The following TSPAN15 variants were observed in gnomAD, a reference collection of about 807,000 sequenced individuals.
TSPAN15 encodes the protein tetraspanin-15.
In TSPAN15, 20 loss-of-function variants were observed where a neutral mutation model predicts 34.5. The ratio of observed to expected loss-of-function variants is 0.58; its 90% CI spans 0.41 to 0.84. TSPAN15 has a LOEUF of 0.84. Among genes scored for constraint, TSPAN15 ranks in the 40% least tolerant of loss-of-function variants. TSPAN15 has a pLI of 0.00. For synonymous variants in TSPAN15, 155 were observed against 153.9 expected (o/e 1.01, Z -0.05); for missense variants, 313 against 386.1 (o/e 0.81, Z 1.59).
chr10:69,527,577 G>A, the TSPAN15 span, among the ~76,000 whole-genome samples: 28,913 of 140,174 alleles, frequency 0.21, 4,543 homozygotes, highest in Middle Eastern at 0.3. Flanking sequence ...CCTGGGTAAC[G>A]AGAGCGAAAT....
At chr10:69,477,097 G>C (rs1841631062) in intron 1 of TSPAN15, among the ~76,000 whole-genome samples, 1 of 152,112 alleles carries the variant, frequency 6.6e-6, no homozygotes. Flanking sequence ...AATACTTGCT[G>C]AGCCTTCCCT....
chr10:69,495,560 G>C (rs1842062184), intron 3 of TSPAN15, 34 bp from the exon 4 acceptor site: 2 of 1,530,844 alleles, frequency 1.3e-6, no homozygotes, highest in Non-Finnish European at 1.8e-6. Flanking sequence ...GGAGTGTGTG[G>C]TTCTTTTCCT....
Position 69,451,544 on chromosome 10 carries a change from C to A in TSPAN15, c.-51C>A. ...GGGGCCACGAGCGCTGGCTGAGGGA[C>A]CGAGCCGGAGAGCCCCGGAGCCCCC... is the stretch of plus-strand genomic sequence containing the variant. On this transcript the variant is annotated 5_prime_UTR_variant, in exon 1 of 8. Transcript: ENST00000373290. 1 of 1,337,618 alleles carries A rather than the reference C, an allele frequency of 7.5e-7. No homozygotes were observed. Among genetic ancestry groups the A allele is most frequent in the Non-Finnish European group, 9.6e-7 (1 of 1,042,352 alleles). The allele number at this position is 1,337,618 out of a possible 1,614,324, so 82.9% of individuals were successfully genotyped here. A position where few individuals can be genotyped will look rare whatever the true frequency, so the allele number is the denominator to read the frequency against.
intron 1 of TSPAN15, among the ~76,000 whole-genome samples, chr10:69,471,746 C>A (rs1217000464): frequency 1.3e-5 from 2 of 151,942 alleles, no homozygotes; most frequent in Non-Finnish European, 2.9e-5. Flanking sequence ...GCCGTGCCAC[C>A]ACACCTGGCT....
chr10:69,533,881 C>A, the TSPAN15 span, among the ~76,000 whole-genome samples: 1 of 152,018 alleles, frequency 6.6e-6, no homozygotes. Flanking sequence ...TAGTGGACAC[C>A]CAGATGGCGT....
chr10:69,548,087 A>C, the TSPAN15 span, among the ~76,000 whole-genome samples: 1 of 152,182 alleles, frequency 6.6e-6, no homozygotes. Context: ...GTAACTGAAG[A>C]AGAACCACAT....
At chr10:69,456,652 G>T (rs1398173064) in intron 1 of TSPAN15, among the ~76,000 whole-genome samples, 1 of 152,142 alleles carries the variant, frequency 6.6e-6, no homozygotes, top group Non-Finnish European at 1.5e-5. Context: ...GGTGCTGAAG[G>T]CTGTGACCCT....
chr10:69,482,413 A>T (rs1024795414), intron 1 of TSPAN15, among the ~76,000 whole-genome samples: 3 of 152,200 alleles, frequency 2.0e-5, no homozygotes, highest in African/African-American at 7.2e-5. Context: ...CATGTCCACT[A>T]TTAGAAAAGT....
chr10:69,485,807 G>C (rs1481070050), intron 3 of TSPAN15, among the ~76,000 whole-genome samples: 1 of 152,124 alleles, frequency 6.6e-6, no homozygotes, highest in East Asian at 1.9e-4. Flanking sequence ...GGGTAAGATT[G>C]CTTGTACCAA....
At chr10:69,522,443 CT>C in the TSPAN15 span, among the ~76,000 whole-genome samples, 496 of 125,894 alleles carry the variant, frequency 3.9e-3, 19 homozygotes, top group South Asian at 0.011. Context: ...AACCAGATTG[CT>C]TTTTTTTTTT....
chr10:69,466,589 C>T (rs570580764), intron 1 of TSPAN15, among the ~76,000 whole-genome samples: 4 of 151,918 alleles, frequency 2.6e-5, no homozygotes, highest in Middle Eastern at 3.2e-3. Flanking sequence ...ATTAAAACAT[C>T]GAGTTAATAA....
the TSPAN15 span, among the ~76,000 whole-genome samples, chr10:69,520,171 C>T: frequency 4.6e-5 from 7 of 152,232 alleles, no homozygotes; most frequent in African/African-American, 1.7e-4. Flanking sequence ...CATACATCCC[C>T]ACTTCCCCCT....
At chr10:69,514,474 T>C in the TSPAN15 span, among the ~76,000 whole-genome samples, 1 of 152,244 alleles carries the variant, frequency 6.6e-6, no homozygotes, top group African/African-American at 2.4e-5. Context: ...CTAGTGAAGC[T>C]ACCTGGAAAA....
At chr10:69,493,716 C>T (rs1479392222) in intron 3 of TSPAN15, among the ~76,000 whole-genome samples, 4 of 152,200 alleles carry the variant, frequency 2.6e-5, no homozygotes, top group Non-Finnish European at 5.9e-5. Context: ...TTGTGATCCG[C>T]CTGCCTTGGC....
At chr10:69,493,629 C>T (rs887030741) in intron 3 of TSPAN15, among the ~76,000 whole-genome samples, 4 of 152,164 alleles carry the variant, frequency 2.6e-5, no homozygotes, top group Admixed American at 1.3e-4. Context: ...CACGCTGCCA[C>T]GCCTGGCTAA....
the TSPAN15 span, among the ~76,000 whole-genome samples, chr10:69,526,957 C>A: frequency 1.4e-5 from 2 of 147,706 alleles, no homozygotes; most frequent in African/African-American, 4.9e-5. Flanking sequence ...TATGACACAG[C>A]AATTTTATTC....
At chr10:69,540,972 C>T in the TSPAN15 span, among the ~76,000 whole-genome samples, 1 of 152,180 alleles carries the variant, frequency 6.6e-6, no homozygotes, top group Admixed American at 6.5e-5. Flanking sequence ...TGGTGCCAGC[C>T]TCCAGGGTGT....
chr10:69,507,216 T>C lies in TSPAN15; in HGVS notation c.*238T>C. ...CTGGAATCTGTGCCCACCTGGGGCC[T>C]GGGGAACAAGGCCCTCCTTTCTCCA... On this transcript the variant is annotated 3_prime_UTR_variant, in exon 8 of 8. Transcript: ENST00000373290. 7.1e-7 allele frequency: 1 copy of C among 1,402,612 alleles called. No homozygotes were observed. The highest frequency in any genetic ancestry group is 1.6e-5 in the South Asian group (1 of 63,824). The allele number at this position is 1,402,612 out of a possible 1,614,324, so 86.9% of individuals were successfully genotyped here. A position where few individuals can be genotyped will look rare whatever the true frequency, so the allele number is the denominator to read the frequency against.
At chr10:69,528,284 AAACTTGG>A in the TSPAN15 span, among the ~76,000 whole-genome samples, 2 of 148,478 alleles carry the variant, frequency 1.3e-5, no homozygotes, top group Non-Finnish European at 3.0e-5. Context: ...TGTCACCTGG[AAACTTGG>A]AGACGCCAGG....
Sources: allele counts gnomAD v4.1 joint callset (sites outside exome capture counted in the v4.1 genomes callset), GRCh38; gene constraint gnomAD v4.1.1; transcripts MANE v1.5; gene names NCBI Gene and HGNC (gene_info 2026-07-23, HGNC 2026-07-21).